The following PARPBP variants were observed in gnomAD, a reference collection of about 807,000 sequenced individuals.
PARPBP encodes the protein PCNA-interacting partner.
Under a neutral mutation model 50.0 loss-of-function variants are expected in PARPBP, and 52 were observed. The ratio of observed to expected loss-of-function variants is 1.04; its 90% CI spans 0.83 to 1.31. The LOEUF is 1.31. Among genes scored for constraint, PARPBP ranks in the 50% most tolerant of loss-of-function variants. The pLI, the probability that PARPBP is intolerant of heterozygous loss-of-function variation, is 0.00. For missense variants in PARPBP, 697 were observed against 672.0 expected (o/e 1.04, Z -0.41); for synonymous variants, 244 against 232.1 (o/e 1.05, Z -0.47).
chr12:102,185,489 TTC>T (rs1890218553), intron 9 of PARPBP, among the ~76,000 whole-genome samples: 1 of 152,162 alleles, frequency 6.6e-6, no homozygotes, highest in South Asian at 2.1e-4. Flanking sequence ...GCCTACAGTT[TTC>T]TCTGTTTGGT....
Position 102,196,774 on chromosome 12 carries a change from A to C in PARPBP, c.*483A>C. 8.0e-7 allele frequency: 1 copy of C among 1,242,426 alleles called. No homozygotes were observed. Among genetic ancestry groups the C allele is most frequent in the Non-Finnish European group, 1.2e-6 (1 of 847,522 alleles). 77.0% of individuals were successfully genotyped at this position (1,242,426 alleles called of 1,614,324 possible). ...CACAAAATTTATTAAGAAAAAAAGA[A>C]TGGATCTAGTATAACTAATTCTGAG... On this transcript the variant is annotated 3_prime_UTR_variant, in exon 11 of 11. Coordinates refer to ENST00000327680, the MANE Select transcript of PARPBP (RefSeq NM_017915.5).
At chr12:102,180,282 G>A (rs568987161) in intron 8 of PARPBP, among the ~76,000 whole-genome samples, 44 of 152,082 alleles carry the variant, frequency 2.9e-4, no homozygotes, top group Non-Finnish European at 6.0e-4. Flanking sequence ...TGTTTAACAA[G>A]TTTGCTTTTG....
intron 2 of PARPBP, among the ~76,000 whole-genome samples, chr12:102,124,487 G>T (rs1405960962): frequency 1.3e-5 from 2 of 152,178 alleles, no homozygotes; most frequent in African/African-American, 4.8e-5. Flanking sequence ...TAGGTAGCTT[G>T]AGCCAAACTA....
At chr12:102,154,831 T>A in intron 4 of PARPBP, 1 of 455,356 alleles carries the variant, frequency 2.2e-6, no homozygotes, top group Non-Finnish European at 4.4e-6. Flanking sequence ...TTCCAGGCCC[T>A]CCCAGTCCTG....
intron 4 of PARPBP, among the ~76,000 whole-genome samples, chr12:102,159,704 A>T (rs939684318): frequency 6.6e-5 from 10 of 152,172 alleles, no homozygotes; most frequent in African/African-American, 2.4e-4. Flanking sequence ...TAAAAAAAAA[A>T]ATCTACTAAG....
chr12:102,190,949 A>G (rs1890740073), intron 9 of PARPBP, among the ~76,000 whole-genome samples: 1 of 152,172 alleles, frequency 6.6e-6, no homozygotes, highest in Non-Finnish European at 1.5e-5. Flanking sequence ...GACATTCAGC[A>G]AAGTCTATAA....
At chr12:102,136,230 A>G (rs1883611689) in intron 2 of PARPBP, among the ~76,000 whole-genome samples, 1 of 152,204 alleles carries the variant, frequency 6.6e-6, no homozygotes, top group Non-Finnish European at 1.5e-5. Context: ...AAGGTAAATG[A>G]TGGATTATGA....
chr12:102,182,662 A>G lies in PARPBP; in HGVS notation c.1263+35A>G, dbSNP rs371113552. On this transcript the variant is annotated intron_variant, in intron 9 of 10. Transcript: ENST00000327680. ...AATGCATGCCATGAAAATAGCAAAC[A>G]CTGTTTTATTTTTAGAAGAAATAAA... The G allele has an allele frequency of 3.9e-4, 532 of 1,347,386 alleles. 1 individual carries two copies. The African/African-American group carries it at 6.6e-3, about 17-fold the overall frequency. 83.5% of individuals were successfully genotyped at this position (1,347,386 alleles called of 1,614,324 possible).
rs551286731 is a variant in PARPBP at position 102,151,269 on chromosome 12, G to A, written c.388-2600G>A. Among the ~76,000 whole-genome samples, 36 of 152,270 alleles carry A rather than the reference G, an allele frequency of 2.4e-4. No homozygotes were observed. In the East Asian group the frequency reaches 6.6e-3, roughly 28 times the overall value. On this transcript the variant is annotated intron_variant, in intron 3 of 10. Coordinates refer to ENST00000327680, the MANE Select transcript of PARPBP (RefSeq NM_017915.5). The stretch of plus-strand genomic sequence containing the variant: ...AAGGCAGTGCACCTGCGTGGGCCTG[G>A]GTCTGGGTGGGGGTGCCGCGGGTGC...
intron 9 of PARPBP, among the ~76,000 whole-genome samples, chr12:102,193,244 A>G (rs1890969780): frequency 6.6e-6 from 1 of 151,982 alleles, no homozygotes; most frequent in Admixed American, 6.6e-5. Flanking sequence ...TTAAAAATTA[A>G]TAAAAGTAAC....
chr12:102,159,375 C>T (rs1435073274), intron 4 of PARPBP, among the ~76,000 whole-genome samples: 3 of 152,192 alleles, frequency 2.0e-5, no homozygotes, highest in African/African-American at 4.8e-5. Context: ...GATCCACCCA[C>T]CTCGGCCTCC....
intron 4 of PARPBP, among the ~76,000 whole-genome samples, chr12:102,161,918 A>G (rs1887644282): frequency 6.6e-6 from 1 of 152,148 alleles, no homozygotes; most frequent in South Asian, 2.1e-4. Context: ...GCAAGAAAAA[A>G]TCTTTCTCAT....
At chr12:102,153,125 A>G (rs113972285) in intron 3 of PARPBP, among the ~76,000 whole-genome samples, 381 of 152,262 alleles carry the variant, frequency 2.5e-3, no homozygotes, top group Admixed American at 4.4e-3. Flanking sequence ...TGCATGTCTG[A>G]CACCCATGGT....
At chr12:102,128,197 C>T (rs1318133282) in intron 2 of PARPBP, among the ~76,000 whole-genome samples, 1 of 152,078 alleles carries the variant, frequency 6.6e-6, no homozygotes, top group African/African-American at 2.4e-5. Flanking sequence ...CCCCACATCC[C>T]CTAGTAACCA....
intron 6 of PARPBP, among the ~76,000 whole-genome samples, chr12:102,172,840 A>T (rs946246511): frequency 1.3e-5 from 2 of 152,178 alleles, no homozygotes; most frequent in Admixed American, 1.3e-4. Context: ...CTTTTCTATT[A>T]GAGATTAATT....
At chr12:102,195,223 C>A in intron 9 of PARPBP, 89 bp from the exon 10 acceptor site, 2 of 732,994 alleles carry the variant, frequency 2.7e-6, no homozygotes, top group Non-Finnish European at 4.2e-6. Context: ...ATTTTTATAC[C>A]TTGATTACTA....
At chr12:102,143,575 C>T (rs1371510805) in intron 2 of PARPBP, among the ~76,000 whole-genome samples, 2 of 152,204 alleles carry the variant, frequency 1.3e-5, no homozygotes, top group Non-Finnish European at 2.9e-5. Flanking sequence ...ATACTGGGAG[C>T]TGTAGACTGT....
chr12:102,177,320 G>A (rs1022472410), intron 7 of PARPBP, among the ~76,000 whole-genome samples: 3 of 152,256 alleles, frequency 2.0e-5, no homozygotes, highest in African/African-American at 7.2e-5. Context: ...TAGGTATAAT[G>A]TCCAGCAACC....
rs970743685 is a variant in PARPBP at position 102,165,807 on chromosome 12, C to T, written c.745C>T (p.His249Tyr). 6.3e-7 allele frequency: 1 copy of T among 1,582,148 alleles called. No homozygotes were observed. Among genetic ancestry groups the T allele is most frequent in the Admixed American group, 1.7e-5 (1 of 59,786 alleles). The change falls in exon 6 of 11, where the codon CAT becomes TAT. Residue 249 changes from histidine to tyrosine, a missense_variant. Physicochemically the swap from His to Tyr is moderately conservative, Grantham distance 83. Transcript: ENST00000327680. ...APPPSDPLRT[H>Y]VKGLSNFINF... is the part of the protein sequence containing the mutation. ...ACCACCATCAGATCCTTTAAGGACA[C>T]ATGTAAAGGGATTGTCTAATTTTAT...
Sources: gnomAD v4.1 joint callset for allele counts (sites outside exome capture counted in the v4.1 genomes callset) on GRCh38, gnomAD v4.1.1 for gene constraint, MANE v1.5 for transcripts, NCBI Gene and HGNC (gene_info 2026-07-23, HGNC 2026-07-21) for gene names.